Variants in PACSIN2 observed in about 807,000 individuals in gnomAD.
PACSIN2 encodes the protein protein kinase C and casein kinase substrate in neurons protein 2.
PACSIN2 carries 25 observed loss-of-function variants against 63.8 expected under a neutral mutation model. The observed-to-expected ratio is 0.39, with a 90% CI of 0.29 to 0.55. The LOEUF is 0.55. Among genes scored for constraint, PACSIN2 ranks in the 20% least tolerant of loss-of-function variants. The pLI, the probability that PACSIN2 is intolerant of heterozygous loss-of-function variation, is 0.62. For synonymous variants in PACSIN2, 255 were observed against 256.2 expected (o/e 1.00, Z 0.05); for missense variants, 518 against 646.9 (o/e 0.80, Z 2.16).
intron 1 of PACSIN2, among the ~76,000 whole-genome samples, chr22:42,923,679 G>A (rs541008241): frequency 2.6e-5 from 4 of 152,058 alleles, no homozygotes; most frequent in African/African-American, 9.7e-5. Flanking sequence ...CGCCCGCCTC[G>A]GCCTCCCAAA....
intron 1 of PACSIN2, among the ~76,000 whole-genome samples, chr22:42,987,532 T>C (rs1339707996): frequency 4.0e-5 from 2 of 50,050 alleles, no homozygotes; most frequent in Non-Finnish European, 1.0e-4. Context: ...CATTCATTCT[T>C]TTTTTTTTTT....
chr22:42,918,612 C>T (rs987073184), intron 1 of PACSIN2, among the ~76,000 whole-genome samples: 3 of 152,208 alleles, frequency 2.0e-5, no homozygotes, highest in Non-Finnish European at 4.4e-5. Context: ...CAACCCAGAC[C>T]ATCAGACTCC....
intron 1 of PACSIN2, among the ~76,000 whole-genome samples, chr22:43,009,865 ATTTTTTTTTTT>A (rs898985902): frequency 2.6e-5 from 2 of 75,618 alleles, no homozygotes; most frequent in Non-Finnish European, 3.8e-5. Context: ...TATTTTTTCT[ATTTTTTTTTTT>A]TTTTTTTTTT....
At chr22:42,882,725 G>A (rs1345042475) in intron 6 of PACSIN2, among the ~76,000 whole-genome samples, 1 of 152,180 alleles carries the variant, frequency 6.6e-6, no homozygotes, top group Non-Finnish European at 1.5e-5. Context: ...AATGCAGAGC[G>A]TGAAGATGAC....
chr22:42,965,942 TA>T lies in PACSIN2; in HGVS notation c.-78+49078del, dbSNP rs1232168822. On this transcript the variant is annotated intron_variant, in intron 1 of 10. Transcript: ENST00000263246. ...AAATAAATAATCATAAATAAATAAATAATCATAAATAAATTATGTGAAAATG... is the reference window on the plus strand; with the variant it reads ...AAATAAATAATCATAAATAAATAAATATCATAAATAAATTATGTGAAAATG... 1.4e-4 allele frequency among the ~76,000 whole-genome samples: 4 copies of T among 28,298 alleles called. No homozygotes were observed. In the Admixed American group the frequency reaches 2.2e-3, roughly 16 times the overall value. The allele number at this position is 28,298 out of a possible 152,430, so 18.6% of individuals were successfully genotyped here.
At chr22:42,936,085 G>C (rs545985906) in intron 1 of PACSIN2, among the ~76,000 whole-genome samples, 1 of 152,074 alleles carries the variant, frequency 6.6e-6, no homozygotes, top group African/African-American at 2.4e-5. Flanking sequence ...ACATGGTGGC[G>C]GGTGCCTGTA....
chr22:42,973,977 T>C (rs1398858040), intron 1 of PACSIN2, among the ~76,000 whole-genome samples: 1 of 152,190 alleles, frequency 6.6e-6, no homozygotes, highest in East Asian at 1.9e-4. Flanking sequence ...AAATGCCAGC[T>C]CACAGCCCAC....
At chr22:42,908,318 C>T (rs550978772) in intron 2 of PACSIN2, among the ~76,000 whole-genome samples, 86 of 152,302 alleles carry the variant, frequency 5.6e-4, no homozygotes, top group African/African-American at 1.9e-3. Flanking sequence ...ATGCAGGCAG[C>T]GGCTCTCAGC....
intron 1 of PACSIN2, chr22:42,959,702 A>C (rs530457763): frequency 6.6e-6 from 1 of 152,354 alleles, no homozygotes; most frequent in East Asian, 1.9e-4. Context: ...GTTCTGTTAA[A>C]TCAGTCACTC....
intron 1 of PACSIN2, among the ~76,000 whole-genome samples, chr22:42,986,901 T>C (rs1456508909): frequency 1.3e-5 from 2 of 152,198 alleles, no homozygotes; most frequent in African/African-American, 2.4e-5. Context: ...AAGCCTTTGA[T>C]AGCCACTGCC....
At chr22:42,890,883 G>T in intron 4 of PACSIN2, 64 bp downstream of exon 4, 3 of 1,316,790 alleles carry the variant, frequency 2.3e-6, no homozygotes, top group Non-Finnish European at 2.2e-6. Context: ...TGCAGGAGGT[G>T]GTGCTGCTAG....
chr22:42,927,309 G>T (rs1408109243), intron 1 of PACSIN2, among the ~76,000 whole-genome samples: 3 of 151,690 alleles, frequency 2.0e-5, no homozygotes, highest in Non-Finnish European at 4.4e-5. Context: ...ACAGTGGCAC[G>T]ATCTTAGCTA....
At chr22:42,926,844 T>TAA (rs111701176) in intron 1 of PACSIN2, among the ~76,000 whole-genome samples, 3 of 143,582 alleles carry the variant, frequency 2.1e-5, no homozygotes, top group South Asian at 2.2e-4. Flanking sequence ...CCCTATCTCT[T>TAA]AAAAAAAAAA....
intron 2 of PACSIN2, among the ~76,000 whole-genome samples, chr22:42,903,518 C>A (rs1299279586): frequency 6.6e-6 from 1 of 152,178 alleles, no homozygotes; most frequent in Admixed American, 6.5e-5. Context: ...TCCACATCCT[C>A]ATTTCTATGG....
rs140088197 is a variant in PACSIN2 at position 42,884,991 on chromosome 22, C to T, written c.610-430G>A. Among the ~76,000 whole-genome samples the T allele has an allele frequency of 1.4e-3, 214 of 152,308 alleles. 2 individuals carry two copies. The highest frequency in any genetic ancestry group is 4.9e-3 in the African/African-American group (204 of 41,568). Reference sequence around the variant, plus strand: ...ACTGTCCTTTATCAGATGAGGACATCTCTCCTTCACAGTGTTCTGATATGT... The same window carrying T: ...ACTGTCCTTTATCAGATGAGGACATTTCTCCTTCACAGTGTTCTGATATGT... On this transcript the variant is annotated intron_variant, in intron 5 of 10. Transcript: ENST00000263246.
intron 3 of PACSIN2, 116 bp from the exon 4 acceptor site, chr22:42,891,298 G>A (rs1719739278): frequency 1.4e-5 from 9 of 646,904 alleles, no homozygotes; most frequent in South Asian, 1.4e-4. Context: ...TCCTTTCAGG[G>A]TTTCAGATAT....
At chr22:42,916,469 C>CA (rs1289120666) in intron 1 of PACSIN2, among the ~76,000 whole-genome samples, 4 of 152,144 alleles carry the variant, frequency 2.6e-5, no homozygotes, top group Non-Finnish European at 4.4e-5. Flanking sequence ...TTCTCAATGA[C>CA]AACTCCCAAG....
intron 1 of PACSIN2, among the ~76,000 whole-genome samples, chr22:42,924,979 G>T (rs1255933737): frequency 1.3e-5 from 2 of 151,400 alleles, no homozygotes; most frequent in Admixed American, 6.6e-5. Context: ...GGATGATCTC[G>T]ATCTCCTGAC....
chr22:42,982,887 A>AAAAAAAAAAAAAAACC (rs200348918), intron 1 of PACSIN2, among the ~76,000 whole-genome samples: 1 of 129,498 alleles, frequency 7.7e-6, no homozygotes, highest in African/African-American at 2.8e-5. Context: ...AAAAAAAAAA[A>AAAAAAAAAAAAAAACC]AAACAACAAC....
Sources: gnomAD v4.1 joint callset for allele counts (sites outside exome capture counted in the v4.1 genomes callset) on GRCh38, gnomAD v4.1.1 for gene constraint, MANE v1.5 for transcripts, NCBI Gene and HGNC (gene_info 2026-07-23, HGNC 2026-07-21) for gene names.